Variants in GRAP2 observed in about 807,000 individuals in gnomAD.
The protein encoded by GRAP2 is GRB2 related adaptor protein 2, also known as GRB2-related adapter protein 2.
GRAP2 carries 31 observed loss-of-function variants against 43.5 expected under a neutral mutation model. The observed-to-expected ratio is 0.71, with a 90% CI of 0.54 to 0.96. GRAP2 has a LOEUF of 0.96. Among genes scored for constraint, GRAP2 ranks in the 40% least tolerant of loss-of-function variants. GRAP2 has a pLI of 0.00. For synonymous variants in GRAP2, 156 were observed against 164.8 expected, an observed-to-expected ratio of 0.95 and a Z score of 0.41; for missense variants, 371 against 424.4, an observed-to-expected ratio of 0.87 and a Z score of 1.11.
intron 1 of GRAP2, among the ~76,000 whole-genome samples, chr22:39,918,266 A>G (rs1361605794): frequency 6.6e-6 from 1 of 152,116 alleles, no homozygotes; most frequent in Non-Finnish European, 1.5e-5. Context: ...ACTGGCTCCT[A>G]AGTTTGGCAC....
chr22:39,895,850 A>C, the GRAP2 span, among the ~76,000 whole-genome samples: 1 of 152,240 alleles, frequency 6.6e-6, no homozygotes, highest in Non-Finnish European at 1.5e-5. Flanking sequence ...GGACTTGTCT[A>C]TATTTGCATA....
At chr22:39,969,317 C>T (rs1199727749) in intron 6 of GRAP2, 94 bp from the exon 7 acceptor site, 61 of 1,358,572 alleles carry the variant, frequency 4.5e-5, no homozygotes, top group Non-Finnish European at 6.1e-5. Context: ...TGGAATATAC[C>T]GGCTCTGTGG....
chr22:39,952,838 A>G (rs1433134941), intron 2 of GRAP2, among the ~76,000 whole-genome samples: 2 of 152,178 alleles, frequency 1.3e-5, no homozygotes, highest in Admixed American at 6.5e-5. Flanking sequence ...AAGAGTCTAC[A>G]CTTTCTGAAG....
chr22:39,932,548 CAAAAAAA>C (rs137982), intron 1 of GRAP2, among the ~76,000 whole-genome samples: 7 of 43,416 alleles, frequency 1.6e-4, no homozygotes, highest in East Asian at 1.1e-3. Flanking sequence ...CCTGTCTCTA[CAAAAAAA>C]AAAAAAAAAA....
chr22:39,969,077 G>A (rs946358817), intron 6 of GRAP2, among the ~76,000 whole-genome samples: 5 of 152,200 alleles, frequency 3.3e-5, no homozygotes, highest in African/African-American at 4.8e-5. Flanking sequence ...CCACTTAAAT[G>A]TGCATGGTTC....
At chr22:39,906,273 AAGGCCATGGTGGATTTCCTTAAG>A (rs2066522665) in intron 1 of GRAP2, among the ~76,000 whole-genome samples, 1 of 152,206 alleles carries the variant, frequency 6.6e-6, no homozygotes, top group Non-Finnish European at 1.5e-5. Flanking sequence ...AGATTTATAA[AAGGCCATGGTGGATTTCCTTAAG>A]AGACGATGGA....
chr22:39,916,808 A>T (rs2066606759), intron 1 of GRAP2, among the ~76,000 whole-genome samples: 1 of 152,196 alleles, frequency 6.6e-6, no homozygotes, highest in Admixed American at 6.5e-5. Flanking sequence ...GAGCTGTTTT[A>T]TTATTTTAAT....
At chr22:39,946,417 A>G (rs1382349079) in intron 1 of GRAP2, among the ~76,000 whole-genome samples, 1 of 152,238 alleles carries the variant, frequency 6.6e-6, no homozygotes, top group African/African-American at 2.4e-5. Flanking sequence ...ATGCATTACA[A>G]GAAGGGGGCC....
intron 2 of GRAP2, among the ~76,000 whole-genome samples, chr22:39,954,555 C>T (rs981404615): frequency 1.1e-4 from 17 of 152,066 alleles, no homozygotes; most frequent in Admixed American, 2.0e-4. Flanking sequence ...CCACCAGGCC[C>T]GGCTCCTTTT....
chr22:39,970,754 C>T, intron 7 of GRAP2, 151 bp from the exon 8 acceptor site: 1 of 629,112 alleles, frequency 1.6e-6, no homozygotes, highest in Middle Eastern at 4.3e-4. Context: ...GACCCCATCT[C>T]TACAAAAAAA....
intron 1 of GRAP2, among the ~76,000 whole-genome samples, chr22:39,933,568 TGGTG>T (rs1288064351): frequency 6.6e-6 from 1 of 152,066 alleles, no homozygotes; most frequent in African/African-American, 2.4e-5. Flanking sequence ...AGGCCGGGTA[TGGTG>T]GCTCACGTCT....
intron 2 of GRAP2, among the ~76,000 whole-genome samples, chr22:39,949,141 C>G (rs1462635192): frequency 6.6e-6 from 1 of 152,142 alleles, no homozygotes; most frequent in East Asian, 1.9e-4. Context: ...GAGAATCACT[C>G]AAACCCCCAT....
In GRAP2 at chr22:39,947,149, G is replaced by A. The variant is rs2066931574; in HGVS notation, c.43G>A (p.Asp15Asn). 1 of 1,605,248 alleles carries A rather than the reference G, an allele frequency of 6.2e-7. No homozygotes were observed. Among genetic ancestry groups the A allele is most frequent in the Non-Finnish European group, 8.5e-7 (1 of 1,171,878 alleles). The change falls in exon 2 of 8, where the codon GAT becomes AAT. Residue 15 changes from aspartate to asparagine, a missense_variant. By Grantham distance (23) the Asp-to-Asn change is conservative. Coordinates refer to ENST00000344138, the MANE Select transcript of GRAP2 (RefSeq NM_004810.4). The part of the protein sequence containing the change: ...AKFDFTASGE[D>N]ELSFHTGDVL... Reference sequence around the variant, plus strand: ...GTTTGATTTCACTGCTTCAGGTGAGGATGAACTGAGCTTTCACACTGGAGA... The same window carrying A: ...GTTTGATTTCACTGCTTCAGGTGAGAATGAACTGAGCTTTCACACTGGAGA...
upstream of GRAP2, among the ~76,000 whole-genome samples, chr22:39,897,513 CTCTTTTTTTT>C (rs1232806911): frequency 6.8e-6 from 1 of 147,942 alleles, no homozygotes; most frequent in South Asian, 2.2e-4. Flanking sequence ...TGAAAGTAGC[CTCTTTTTTTT>C]TTTTTTTTTT....
intron 1 of GRAP2, among the ~76,000 whole-genome samples, chr22:39,924,400 C>T (rs180979450): frequency 2.6e-5 from 4 of 152,266 alleles, no homozygotes; most frequent in African/African-American, 7.2e-5. Context: ...GCAGTAGGCT[C>T]ACGGAAGTGA....
chr22:39,923,673 T>A (rs550562709), intron 1 of GRAP2, among the ~76,000 whole-genome samples: 1 of 152,192 alleles, frequency 6.6e-6, no homozygotes, highest in East Asian at 1.9e-4. Context: ...GTCATTTCCT[T>A]TACTAATGAG....
At chr22:39,967,614 G>C (rs958208047) in intron 5 of GRAP2, among the ~76,000 whole-genome samples, 2 of 152,204 alleles carry the variant, frequency 1.3e-5, no homozygotes, top group African/African-American at 2.4e-5. Flanking sequence ...TCTATCACCA[G>C]GCTGTAAATG....
At chr22:39,939,783 C>T (rs576447386) in intron 1 of GRAP2, among the ~76,000 whole-genome samples, 1 of 152,058 alleles carries the variant, frequency 6.6e-6, no homozygotes, top group East Asian at 1.9e-4. Flanking sequence ...GTGGGCTGTA[C>T]CTGTAATCTC....
intron 1 of GRAP2, among the ~76,000 whole-genome samples, chr22:39,928,265 T>C (rs765066899): frequency 6.6e-6 from 1 of 152,202 alleles, no homozygotes; most frequent in Non-Finnish European, 1.5e-5. Context: ...ATTCATTCCA[T>C]GTTTACCCAT....
Sources: gnomAD v4.1 joint callset for allele counts (sites outside exome capture counted in the v4.1 genomes callset) on GRCh38, gnomAD v4.1.1 for gene constraint, MANE v1.5 for transcripts, NCBI Gene and HGNC (gene_info 2026-07-23, HGNC 2026-07-21) for gene names.